LRRC4C: variants seen among roughly 807,000 people sequenced by gnomAD.
The protein encoded by LRRC4C is leucine-rich repeat-containing protein 4C.
Under a neutral mutation model 33.6 loss-of-function variants are expected in LRRC4C, and 5 were observed. The ratio of observed to expected loss-of-function variants is 0.15; its 90% CI spans 0.08 to 0.31. The LOEUF (loss-of-function observed/expected upper bound fraction) is 0.31. Ranked by LOEUF, LRRC4C falls within the 10% of genes least tolerant of loss-of-function variation. LRRC4C has a pLI of 1.00. For synonymous variants in LRRC4C, 329 were observed against 302.0 expected (o/e 1.09, Z -0.93); for missense variants, 560 against 796.7 (o/e 0.70, Z 3.58).
At chr11:40,444,116 G>T (rs1048599872) in intron 3 of LRRC4C, among the ~76,000 whole-genome samples, 1 of 152,066 alleles carries the variant, frequency 6.6e-6, no homozygotes, top group Non-Finnish European at 1.5e-5. Flanking sequence ...GTGCAGTGTT[G>T]TAACACTTTA....
intron 1 of LRRC4C, among the ~76,000 whole-genome samples, chr11:41,314,479 T>A (rs1950728939): frequency 6.6e-6 from 1 of 152,178 alleles, no homozygotes; most frequent in East Asian, 1.9e-4. Context: ...ATAATGCTTT[T>A]TGGTACTGTT....
At chr11:41,062,222 T>C (rs138989600) in intron 1 of LRRC4C, among the ~76,000 whole-genome samples, 1 of 152,336 alleles carries the variant, frequency 6.6e-6, no homozygotes, top group East Asian at 1.9e-4. Context: ...CCATTAGTTA[T>C]TTTTCCTTAT....
At chr11:40,363,560 A>G (rs2137191034) in intron 3 of LRRC4C, among the ~76,000 whole-genome samples, 1 of 152,256 alleles carries the variant, frequency 6.6e-6, no homozygotes, top group African/African-American at 2.4e-5. Context: ...CAGAATGTAA[A>G]ATAAAAGTAA....
rs561044566 is a variant in LRRC4C at position 40,597,896 on chromosome 11, C to T, written c.-270+50246G>A. On this transcript the variant is annotated intron_variant, in intron 3 of 6. Coordinates refer to ENST00000528697, the MANE Select transcript of LRRC4C (RefSeq NM_001258419.2). ...CCAATAGTTTGCATAATATTTTTGG[C>T]CCTGAAAATGTTTTATTGACATCAA... 1.8e-4 allele frequency among the ~76,000 whole-genome samples: 28 copies of T among 152,220 alleles called. No individual in the cohort carries two copies. In the South Asian group the frequency reaches 5.0e-3, roughly 27 times the overall value.
chr11:40,242,407 C>T (rs1865989468), intron 4 of LRRC4C, among the ~76,000 whole-genome samples: 1 of 151,978 alleles, frequency 6.6e-6, no homozygotes, highest in African/African-American at 2.4e-5. Flanking sequence ...TTCCCCTTTT[C>T]TCCTTTTCAT....
At chr11:40,248,540 G>A (rs954419059) in intron 4 of LRRC4C, among the ~76,000 whole-genome samples, 12 of 151,924 alleles carry the variant, frequency 7.9e-5, no homozygotes, top group African/African-American at 2.7e-4. Context: ...AGATCATCCC[G>A]GGTAACATAG....
chr11:41,026,447 G>A (rs61876993), intron 1 of LRRC4C, among the ~76,000 whole-genome samples: 4,556 of 151,460 alleles, frequency 0.03, 69 homozygotes, highest in African/African-American at 0.044. Context: ...TGCTTCTTAC[G>A]TATGAGCAAA....
intron 1 of LRRC4C, among the ~76,000 whole-genome samples, chr11:41,037,573 T>TTCAC (rs1050501222): frequency 1.4e-5 from 1 of 72,858 alleles, no homozygotes; most frequent in Non-Finnish European, 3.3e-5. Flanking sequence ...TTCTTTTCCT[T>TTCAC]TCACACACAC....
intron 3 of LRRC4C, among the ~76,000 whole-genome samples, chr11:40,528,967 G>C (rs1320394595): frequency 6.6e-6 from 1 of 152,080 alleles, no homozygotes; most frequent in Non-Finnish European, 1.5e-5. Context: ...ACAGAATATA[G>C]GTTACCAGTG....
At chr11:41,445,535 C>T (rs1324476756) in intron 1 of LRRC4C, among the ~76,000 whole-genome samples, 7 of 152,014 alleles carry the variant, frequency 4.6e-5, no homozygotes, top group Non-Finnish European at 5.9e-5. Flanking sequence ...CTGAGGCTGG[C>T]GTCACAGTCT....
intron 1 of LRRC4C, among the ~76,000 whole-genome samples, chr11:41,347,794 C>T (rs890961764): frequency 4.6e-5 from 7 of 152,050 alleles, no homozygotes; most frequent in Non-Finnish European, 1.0e-4. Context: ...AGTCTCTCAG[C>T]TTTATAATAT....
chr11:40,639,626 T>C (rs1591346281), intron 3 of LRRC4C, among the ~76,000 whole-genome samples: 1 of 152,344 alleles, frequency 6.6e-6, no homozygotes, highest in East Asian at 1.9e-4. Flanking sequence ...GCCATTTGGT[T>C]GAATAGAAGT....
chr11:40,385,425 T>C (rs1481552145), intron 3 of LRRC4C, among the ~76,000 whole-genome samples: 1 of 152,176 alleles, frequency 6.6e-6, no homozygotes, highest in East Asian at 1.9e-4. Flanking sequence ...ATGATTAGGA[T>C]TCAGGAACAT....
In LRRC4C at chr11:41,171,195, G is replaced by T. The variant is rs1223648149; in HGVS notation, c.-495-237472C>A. Among the ~76,000 whole-genome samples the T allele has an allele frequency of 3.9e-5, 6 of 152,106 alleles. No homozygotes were observed. In the South Asian group the frequency reaches 8.3e-4, roughly 21 times the overall value. ...TTCAACCATTGTGGAAGTCAGTGTGGCGATTCCTCAGGGATCTAGAACTAG... is the reference window on the plus strand; with the variant it reads ...TTCAACCATTGTGGAAGTCAGTGTGTCGATTCCTCAGGGATCTAGAACTAG... On this transcript the variant is annotated intron_variant, in intron 1 of 6. Transcript: ENST00000528697.
chr11:40,691,312 G>C (rs994759246), intron 2 of LRRC4C, among the ~76,000 whole-genome samples: 2 of 151,938 alleles, frequency 1.3e-5, no homozygotes, highest in African/African-American at 2.4e-5. Flanking sequence ...GAGCACTTCC[G>C]ATACAGTTGC....
At chr11:40,629,590 C>T (rs1423671102) in intron 3 of LRRC4C, among the ~76,000 whole-genome samples, 1 of 152,180 alleles carries the variant, frequency 6.6e-6, no homozygotes, top group Non-Finnish European at 1.5e-5. Context: ...AATGGATTCA[C>T]TCTAAGTCAT....
intron 2 of LRRC4C, among the ~76,000 whole-genome samples, chr11:40,653,067 A>T (rs1258768935): frequency 1.3e-5 from 2 of 152,218 alleles, no homozygotes; most frequent in Non-Finnish European, 2.9e-5. Flanking sequence ...CCATCTAAGA[A>T]GAACTGTGAG....
chr11:40,713,535 T>G (rs1264048408), intron 2 of LRRC4C, among the ~76,000 whole-genome samples: 3 of 152,310 alleles, frequency 2.0e-5, no homozygotes, highest in Admixed American at 2.0e-4. Context: ...AACTCTTAAT[T>G]GTTTCTTCAA....
chr11:40,456,361 T>C (rs1952131014), intron 3 of LRRC4C, among the ~76,000 whole-genome samples: 1 of 152,068 alleles, frequency 6.6e-6, no homozygotes, highest in Admixed American at 6.6e-5. Context: ...ATGACTGTAA[T>C]AAACATTTGA....
Sources: allele counts gnomAD v4.1 joint callset (sites outside exome capture counted in the v4.1 genomes callset), GRCh38; gene constraint gnomAD v4.1.1; transcripts MANE v1.5; gene names NCBI Gene and HGNC (gene_info 2026-07-23, HGNC 2026-07-21).